The following PRKCA variants were observed in gnomAD, a reference collection of about 807,000 sequenced individuals.
The protein encoded by PRKCA is protein kinase C alpha, also known as protein kinase C alpha type.
A neutral mutation model predicts 87.0 loss-of-function variants in PRKCA; 27 were observed. The ratio of observed to expected loss-of-function variants is 0.31; its 90% CI spans 0.23 to 0.43. PRKCA has a LOEUF of 0.43. Ranked by LOEUF, PRKCA falls within the 20% of genes least tolerant of loss-of-function variation. PRKCA has a pLI of 1.00. For synonymous variants in PRKCA, 329 were observed against 311.1 expected, an observed-to-expected ratio of 1.06 and a Z score of -0.61; for missense variants, 518 against 852.3, an observed-to-expected ratio of 0.61 and a Z score of 4.88.
At chr17:66,489,563 C>A (rs1037934692) in intron 2 of PRKCA, among the ~76,000 whole-genome samples, 4 of 151,590 alleles carry the variant, frequency 2.6e-5, no homozygotes, top group Non-Finnish European at 5.9e-5. Flanking sequence ...TGTGCTCAAG[C>A]GAGCAGGGAG....
At chr17:66,550,130 C>T (rs892754308) in intron 3 of PRKCA, among the ~76,000 whole-genome samples, 1 of 152,158 alleles carries the variant, frequency 6.6e-6, no homozygotes, top group Non-Finnish European at 1.5e-5. Flanking sequence ...CTGACACGTG[C>T]AGAGTTTTAC....
intron 2 of PRKCA, among the ~76,000 whole-genome samples, chr17:66,408,828 C>T (rs1032361479): frequency 7.3e-5 from 11 of 151,430 alleles, no homozygotes; most frequent in African/African-American, 2.4e-4. Context: ...CCGAGGTGGG[C>T]GGATCACAAG....
intron 2 of PRKCA, among the ~76,000 whole-genome samples, chr17:66,384,117 GAC>G (rs1179173451): frequency 6.6e-6 from 1 of 152,036 alleles, no homozygotes; most frequent in African/African-American, 2.4e-5. Context: ...ATATATGCTT[GAC>G]ACACGGAATG....
At chr17:66,439,164 T>A (rs1356357650) in intron 2 of PRKCA, among the ~76,000 whole-genome samples, 1 of 151,676 alleles carries the variant, frequency 6.6e-6, no homozygotes, top group Non-Finnish European at 1.5e-5. Context: ...TAAATACTAC[T>A]GTTACCCACT....
chr17:66,742,775 G>A lies in PRKCA; in HGVS notation c.1524+15G>A. ...TCGCCCCAGAGGTAGGAACCCCAGT[G>A]ATCGTTTTCTCAACCAGGACTCCCA... is the stretch of plus-strand genomic sequence containing the variant. On this transcript the variant is annotated intron_variant, in intron 13 of 16. Transcript: ENST00000413366. 6.2e-7 allele frequency: 1 copy of A among 1,611,556 alleles called. No homozygotes were observed. The highest frequency in any genetic ancestry group is 8.5e-7 in the Non-Finnish European group (1 of 1,179,492).
At position 66,723,069 on chromosome 17, in the gene PRKCA, G is replaced by GA. The variant is rs1292694340; in HGVS notation, c.919-9618dup. Among the ~76,000 whole-genome samples, 9 of 152,320 alleles carry GA rather than the reference G, an allele frequency of 5.9e-5. No homozygotes were observed. In the East Asian group the frequency reaches 1.7e-3, roughly 29 times the overall value. ...CCATTGCCTCTCCTGCCCCCCTTAG[G>GA]AGGGTGTGGGAGCCCACGGGGATGT... is the stretch of plus-strand genomic sequence containing the variant. On this transcript the variant is annotated intron_variant, in intron 8 of 16. Transcript: ENST00000413366.
At chr17:66,406,382 A>T (rs1201218086) in intron 2 of PRKCA, among the ~76,000 whole-genome samples, 2 of 152,202 alleles carry the variant, frequency 1.3e-5, no homozygotes, top group Admixed American at 1.3e-4. Context: ...CATTGTACAG[A>T]TGCTGACAAC....
intron 3 of PRKCA, among the ~76,000 whole-genome samples, chr17:66,555,147 G>A (rs192058525): frequency 3.3e-5 from 5 of 152,306 alleles, no homozygotes; most frequent in Admixed American, 3.3e-4. Flanking sequence ...CAAAGTGGTG[G>A]GATTACAGGC....
At chr17:66,378,800 G>A (rs1281444326) in intron 2 of PRKCA, among the ~76,000 whole-genome samples, 2 of 151,576 alleles carry the variant, frequency 1.3e-5, no homozygotes, top group Non-Finnish European at 2.9e-5. Context: ...ACTTGGGAGG[G>A]TGAGGCAGGA....
chr17:66,610,144 C>T (rs1049521984), intron 3 of PRKCA, among the ~76,000 whole-genome samples: 5 of 152,154 alleles, frequency 3.3e-5, no homozygotes, highest in Non-Finnish European at 7.3e-5. Context: ...TTTTAGGGTT[C>T]TCTTGTTTGC....
chr17:66,618,011 C>T (rs1459122694), intron 3 of PRKCA, among the ~76,000 whole-genome samples: 1 of 152,108 alleles, frequency 6.6e-6, no homozygotes, highest in African/African-American at 2.4e-5. Context: ...TCTTTTAGTA[C>T]ACTGTTGGAA....
chr17:66,666,521 T>C (rs1490735650), intron 5 of PRKCA, among the ~76,000 whole-genome samples: 1 of 152,188 alleles, frequency 6.6e-6, no homozygotes, highest in African/African-American at 2.4e-5. Context: ...TCAGGGGACT[T>C]TGAGAAGCTC....
At chr17:66,798,401 G>GTGA (rs1975725556) in intron 16 of PRKCA, among the ~76,000 whole-genome samples, 1 of 83,612 alleles carries the variant, frequency 1.2e-5, no homozygotes, top group Non-Finnish European at 2.1e-5. Context: ...GGTGGTGGTG[G>GTGA]TGGTGATGGT....
chr17:66,479,497 T>C (rs1915682466), intron 2 of PRKCA, among the ~76,000 whole-genome samples: 1 of 152,166 alleles, frequency 6.6e-6, no homozygotes, highest in Non-Finnish European at 1.5e-5. Flanking sequence ...AGCAATCCCA[T>C]GGCTAGGTAT....
At chr17:66,783,868 C>T (rs889573044) in intron 14 of PRKCA, among the ~76,000 whole-genome samples, 5 of 152,186 alleles carry the variant, frequency 3.3e-5, no homozygotes, top group East Asian at 1.9e-4. Flanking sequence ...ATCTTGCTGG[C>T]GCCTTTGTCA....
At chr17:66,303,860 C>T (rs1794918278) in intron 1 of PRKCA, among the ~76,000 whole-genome samples, 1 of 152,064 alleles carries the variant, frequency 6.6e-6, no homozygotes, top group Non-Finnish European at 1.5e-5. Flanking sequence ...ATTAGCCGGG[C>T]GTGGTGGCAC....
intron 3 of PRKCA, among the ~76,000 whole-genome samples, chr17:66,552,916 A>G (rs899735850): frequency 6.6e-6 from 1 of 152,198 alleles, no homozygotes; most frequent in East Asian, 1.9e-4. Context: ...GAACCCAAGT[A>G]TGTCTTTTTA....
At chr17:66,677,519 C>G (rs774795903) in intron 5 of PRKCA, 2 of 152,238 alleles carry the variant, frequency 1.3e-5, no homozygotes, top group African/African-American at 4.8e-5. Flanking sequence ...GACTGGTGAT[C>G]TGGCTCTTTT....
In PRKCA at chr17:66,554,199, C is replaced by G. The variant is rs560882221; in HGVS notation, c.288+57916C>G. Among the ~76,000 whole-genome samples the G allele has an allele frequency of 1.1e-4, 17 of 151,050 alleles. No homozygotes were observed. In the East Asian group the frequency reaches 3.1e-3, roughly 28 times the overall value. ...GGGAGGCCAAGGTGGGAGAATTGCT[C>G]TAGACCAGCTTGGGCAACATCGTGT... On this transcript the variant is annotated intron_variant, in intron 3 of 16. Coordinates refer to ENST00000413366, the MANE Select transcript of PRKCA (RefSeq NM_002737.3).
Sources: allele counts gnomAD v4.1 joint callset (sites outside exome capture counted in the v4.1 genomes callset), GRCh38; gene constraint gnomAD v4.1.1; transcripts MANE v1.5; gene names NCBI Gene and HGNC (gene_info 2026-07-23, HGNC 2026-07-21).